ATP9B: variants seen among roughly 807,000 people sequenced by gnomAD.
ATP9B encodes probable phospholipid-transporting ATPase IIB.
In ATP9B, 110 loss-of-function variants were observed where a neutral mutation model predicts 146.1. The observed-to-expected ratio is 0.75, with a 90% CI of 0.65 to 0.88. ATP9B has a LOEUF of 0.88. Among genes scored for constraint, ATP9B ranks in the 40% least tolerant of loss-of-function variants. ATP9B has a pLI of 0.00. For synonymous variants in ATP9B, 604 were observed against 569.7 expected (o/e 1.06, Z -0.86); for missense variants, 1,499 against 1,496.4 (o/e 1.00, Z -0.03).
At chr18:79,364,922 CAG>C (rs529698473) in intron 26 of ATP9B, among the ~76,000 whole-genome samples, 11 of 152,052 alleles carry the variant, frequency 7.2e-5, no homozygotes, top group Admixed American at 7.2e-4. Flanking sequence ...CCCAGCTGCT[CAG>C]GGGGCTAAGG....
In ATP9B at chr18:79,359,387, C is replaced by A. The variant is rs1317515232; in HGVS notation, c.2937C>A (p.Phe979Leu). 3 of 1,613,992 alleles carry A rather than the reference C, an allele frequency of 1.9e-6. No homozygotes were observed. The highest frequency in any genetic ancestry group is 3.3e-5 in the Admixed American group (2 of 60,008). Residue 979 changes from phenylalanine (F) to leucine (L), a missense_variant, in exon 26 of 30, where the codon TTC (phenylalanine) becomes TTA (leucine). Transcript: ENST00000426216. ...CCATATACACCATGTTCCCAGTGTT[C>A]TCCTTAGTGCTGGACCAGGACGTGA... ...YATIYTMFPV[F>L]SLVLDQDVKP...
intron 11 of ATP9B, among the ~76,000 whole-genome samples, chr18:79,222,787 T>TTG (rs2095693046): frequency 6.6e-6 from 1 of 152,010 alleles, no homozygotes; most frequent in Non-Finnish European, 1.5e-5. Context: ...GGAATTACTA[T>TTG]TATATTAGTA....
chr18:79,175,216 A>G lies in ATP9B; in HGVS notation c.779-1597A>G, dbSNP rs1382009101. ...CTGTCTCAAAAAAAAAAAAAAAAGAAAAAAAAAAACATCAAAACTTTTGAA... is the reference window on the plus strand; with the variant it reads ...CTGTCTCAAAAAAAAAAAAAAAAGAGAAAAAAAAACATCAAAACTTTTGAA... On this transcript the variant is annotated intron_variant, in intron 7 of 29. Coordinates refer to ENST00000426216, the MANE Select transcript of ATP9B (RefSeq NM_198531.5). Among the ~76,000 whole-genome samples, 125 of 148,088 alleles carry G rather than the reference A, an allele frequency of 8.4e-4. 1 individual carries two copies. The highest frequency in any genetic ancestry group is 3.1e-3 in the African/African-American group (120 of 38,686).
intron 9 of ATP9B, among the ~76,000 whole-genome samples, chr18:79,202,097 A>G (rs1471327863): frequency 2.6e-5 from 4 of 152,170 alleles, no homozygotes; most frequent in South Asian, 2.1e-4. Context: ...AATTAATTCA[A>G]GGTCCCTGTG....
chr18:79,221,462 C>G (rs1214545416), intron 11 of ATP9B, among the ~76,000 whole-genome samples: 1 of 152,228 alleles, frequency 6.6e-6, no homozygotes, highest in Non-Finnish European at 1.5e-5. Flanking sequence ...TGGCTCGTGC[C>G]TGTAATCCCA....
chr18:79,374,160 T>C (rs977599102), intron 28 of ATP9B, 59 bp downstream of exon 28: 2 of 1,545,544 alleles, frequency 1.3e-6, no homozygotes, highest in Admixed American at 3.7e-5. Context: ...TGAAGTATTT[T>C]CTTATTGTTG....
At chr18:79,329,905 C>T (rs2096780959) in intron 16 of ATP9B, 107 bp from the exon 17 acceptor site, 5 of 987,498 alleles carry the variant, frequency 5.1e-6, no homozygotes, top group South Asian at 1.4e-5. Flanking sequence ...CACAGGAACA[C>T]ATTCATAGGA....
intron 4 of ATP9B, chr18:79,117,473 T>G (rs2094106819): frequency 6.6e-6 from 1 of 152,188 alleles, no homozygotes; most frequent in African/African-American, 2.4e-5. Context: ...GGTAAAACAG[T>G]CAGATATGAA....
chr18:79,183,518 G>T (rs538525419), intron 8 of ATP9B, among the ~76,000 whole-genome samples: 3 of 152,092 alleles, frequency 2.0e-5, no homozygotes, highest in African/African-American at 7.2e-5. Flanking sequence ...GTCTGTTCAT[G>T]TTATCTGCTA....
At chr18:79,085,385 A>C (rs1455685709) in intron 1 of ATP9B, 1 of 152,206 alleles carries the variant, frequency 6.6e-6, no homozygotes, top group East Asian at 1.9e-4. Context: ...AGATTAAGAA[A>C]TTCAATAGCA....
chr18:79,154,470 A>G lies in ATP9B; in HGVS notation c.727-34A>G, dbSNP rs2094742678. On this transcript the variant is annotated intron_variant, in intron 6 of 29. Coordinates refer to ENST00000426216, the MANE Select transcript of ATP9B (RefSeq NM_198531.5). ...ATTGTGTTAATTTGTAAACCTGCAT[A>G]TAGATAATTAATCTTTTATAATGCT... The G allele has an allele frequency of 1.3e-5, 19 of 1,457,298 alleles. No individual in the cohort carries two copies. In the East Asian group the frequency reaches 4.0e-4, roughly 31 times the overall value. The allele number at this position is 1,457,298 out of a possible 1,614,324, so 90.3% of individuals were successfully genotyped here. A position where few individuals can be genotyped will look rare whatever the true frequency, so the allele number is the denominator to read the frequency against.
chr18:79,069,701 G>A (rs2071485409), intron 1 of ATP9B, among the ~76,000 whole-genome samples, 172 bp downstream of exon 1: 1 of 152,348 alleles, frequency 6.6e-6, no homozygotes, highest in East Asian at 1.9e-4. Flanking sequence ...GGCGTCCGCC[G>A]GTGGTGAGGG....
At chr18:79,234,113 A>G (rs573331753) in intron 11 of ATP9B, among the ~76,000 whole-genome samples, 7 of 152,276 alleles carry the variant, frequency 4.6e-5, no homozygotes, top group East Asian at 1.9e-4. Flanking sequence ...GGATACATCA[A>G]TCTTGGAACA....
rs1113034 is a variant in ATP9B, at chr18:79,253,425, A to G, written c.1152A>G (p.Leu384=). 2,305 of 1,613,146 alleles carry G rather than the reference A, an allele frequency of 1.4e-3. 27 individuals carry two copies. The African/African-American group carries it at 0.027, about 19-fold the overall frequency. ...AACTCAATCGGCTGACGAAAGCGCT[A>G]TTTTTGGCTTTAGTTGCTCTTTCCA... ...DLELNRLTKA[L]FLALVALSIV... is the part of the protein sequence containing the mutation. Residue 384 remains leucine (L), a synonymous_variant, in exon 12 of 30, where the codon CTA becomes CTG. Coordinates refer to ENST00000426216, the MANE Select transcript of ATP9B (RefSeq NM_198531.5).
At chr18:79,090,330 G>C (rs938096081) in intron 1 of ATP9B, among the ~76,000 whole-genome samples, 2 of 152,148 alleles carry the variant, frequency 1.3e-5, no homozygotes, top group Admixed American at 6.6e-5. Flanking sequence ...TCAATTTTTA[G>C]TTTTTTAGGA....
chr18:79,343,852 C>T (rs1223728543), intron 20 of ATP9B: 1 of 269,438 alleles, frequency 3.7e-6, no homozygotes, highest in South Asian at 3.8e-5. Flanking sequence ...TAAATAATCA[C>T]CTCGTGGGAA....
chr18:79,245,923 G>A (rs1599241253), intron 11 of ATP9B, among the ~76,000 whole-genome samples: 1 of 149,350 alleles, frequency 6.7e-6, no homozygotes, highest in African/African-American at 2.5e-5. Flanking sequence ...TACTGACTGT[G>A]CGGAGGGCAC....
intron 11 of ATP9B, among the ~76,000 whole-genome samples, chr18:79,252,071 C>A (rs550804890): frequency 7.2e-5 from 11 of 152,326 alleles, no homozygotes; most frequent in African/African-American, 2.6e-4. Flanking sequence ...ATGAGGAAAA[C>A]GAGGTCTAAC....
At chr18:79,105,731 A>T (rs4798895) in intron 2 of ATP9B, among the ~76,000 whole-genome samples, 38,015 of 152,138 alleles carry the variant, frequency 0.25, 5,090 homozygotes, top group East Asian at 0.5. Context: ...AGGAAAGTGG[A>T]GCCAGTGAAT....
Sources: gnomAD v4.1 joint callset for allele counts (sites outside exome capture counted in the v4.1 genomes callset) on GRCh38, gnomAD v4.1.1 for gene constraint, MANE v1.5 for transcripts, NCBI Gene and HGNC (gene_info 2026-07-23, HGNC 2026-07-21) for gene names.